The following ROR2 variants were observed in gnomAD, a reference collection of about 807,000 sequenced individuals.
ROR2 encodes tyrosine-protein kinase transmembrane receptor ROR2.
A neutral mutation model predicts 74.9 loss-of-function variants in ROR2; 33 were observed. That is an observed-to-expected ratio of 0.44 (90% confidence interval 0.33 to 0.59). The LOEUF is 0.59. ROR2 is among the 20% of genes least tolerant of loss of function. The pLI is 0.02. For synonymous variants in ROR2, 586 were observed against 558.7 expected (o/e 1.05, Z -0.69); for missense variants, 1,216 against 1,313.8 (o/e 0.93, Z 1.15).
chr9:91,780,386 T>A (rs10820901), intron 1 of ROR2, among the ~76,000 whole-genome samples: 109 of 57,862 alleles, frequency 1.9e-3, no homozygotes, highest in Middle Eastern at 0.01. Flanking sequence ...AAAAAAAAAA[T>A]GAAAGAAAGA....
At chr9:91,828,951 A>C (rs1353659371) in intron 1 of ROR2, among the ~76,000 whole-genome samples, 2 of 152,236 alleles carry the variant, frequency 1.3e-5, no homozygotes, top group Non-Finnish European at 1.5e-5. Context: ...TAAAAAGCTA[A>C]GTGGGAGATT....
At chr9:91,948,952 G>A in intron 1 of ROR2, 1 of 981,990 alleles carries the variant, frequency 1.0e-6, no homozygotes, top group Non-Finnish European at 1.2e-6. Flanking sequence ...AGGCAACCTA[G>A]GCAGGTCCCA....
intron 1 of ROR2, among the ~76,000 whole-genome samples, chr9:91,830,669 G>T (rs897450800): frequency 2.9e-5 from 4 of 137,670 alleles, no homozygotes; most frequent in African/African-American, 1.2e-4. Flanking sequence ...GGAGCTTCGA[G>T]TTTATTTTGC....
intron 8 of ROR2, 139 bp downstream of exon 8, chr9:91,726,402 A>C: frequency 2.3e-6 from 2 of 859,178 alleles, no homozygotes; most frequent in East Asian, 5.0e-5. Flanking sequence ...CAGAAAAAAA[A>C]AATGGCAAAA....
intron 4 of ROR2, among the ~76,000 whole-genome samples, chr9:91,739,135 C>A (rs923804868): frequency 6.6e-6 from 1 of 152,202 alleles, no homozygotes; most frequent in African/African-American, 2.4e-5. Flanking sequence ...CTGGAACCTA[C>A]CCCATAAGCC....
At chr9:91,860,377 A>T (rs1829435518) in intron 1 of ROR2, among the ~76,000 whole-genome samples, 1 of 152,116 alleles carries the variant, frequency 6.6e-6, no homozygotes, top group Non-Finnish European at 1.5e-5. Context: ...CGGTGGCTTG[A>T]GGGGGAAGAT....
At chr9:91,944,104 A>G (rs913279777) in intron 1 of ROR2, among the ~76,000 whole-genome samples, 1 of 152,190 alleles carries the variant, frequency 6.6e-6, no homozygotes, top group Non-Finnish European at 1.5e-5. Context: ...TCATATGAAC[A>G]TCATAGAGTG....
intron 1 of ROR2, among the ~76,000 whole-genome samples, chr9:91,924,554 G>A (rs1172609030): frequency 6.6e-6 from 1 of 152,232 alleles, no homozygotes; most frequent in Non-Finnish European, 1.5e-5. Context: ...AGCACTTTGG[G>A]AGGCAGAGGC....
At chr9:91,791,687 T>C (rs757157222) in intron 1 of ROR2, among the ~76,000 whole-genome samples, 25 of 152,042 alleles carry the variant, frequency 1.6e-4, no homozygotes, top group Admixed American at 7.2e-4. Flanking sequence ...CTAGACAATA[T>C]ATCAGTAAGA....
At chr9:91,798,751 C>T (rs1827275597) in intron 1 of ROR2, among the ~76,000 whole-genome samples, 1 of 151,870 alleles carries the variant, frequency 6.6e-6, no homozygotes, top group African/African-American at 2.4e-5. Context: ...GTGAGATGCC[C>T]CCTCTCATCC....
intron 1 of ROR2, among the ~76,000 whole-genome samples, chr9:91,946,226 T>C (rs1160219263): frequency 6.6e-6 from 1 of 152,246 alleles, no homozygotes; most frequent in Admixed American, 6.5e-5. Context: ...CAAAGCCCCC[T>C]GGTTTCTTTA....
intron 4 of ROR2, among the ~76,000 whole-genome samples, chr9:91,748,884 G>A (rs866822895): frequency 6.6e-5 from 10 of 152,082 alleles, no homozygotes; most frequent in Admixed American, 2.0e-4. Flanking sequence ...AAAATTAGCC[G>A]GGCGTGGTGG....
chr9:91,767,130 A>C (rs1474312929), intron 2 of ROR2, among the ~76,000 whole-genome samples: 1 of 151,176 alleles, frequency 6.6e-6, no homozygotes, highest in East Asian at 1.9e-4. Context: ...ACTGGAGTGC[A>C]GTGGCGTGAT....
At chr9:91,899,611 A>G (rs1830621359) in intron 1 of ROR2, among the ~76,000 whole-genome samples, 1 of 152,074 alleles carries the variant, frequency 6.6e-6, no homozygotes, top group Non-Finnish European at 1.5e-5. Flanking sequence ...GAGAGAACAG[A>G]GCCTCCTCCG....
chr9:91,732,947 G>A (rs776730173), intron 6 of ROR2, among the ~76,000 whole-genome samples, 175 bp downstream of exon 6: 4 of 152,330 alleles, frequency 2.6e-5, no homozygotes, highest in Admixed American at 6.5e-5. Context: ...CCGAGGCCCC[G>A]CCTGCTGCCC....
intron 1 of ROR2, among the ~76,000 whole-genome samples, chr9:91,886,277 A>G (rs928020614): frequency 1.3e-5 from 2 of 152,094 alleles, no homozygotes; most frequent in Non-Finnish European, 2.9e-5. Context: ...CCATGTGAAC[A>G]GCCCAGATTG....
chr9:91,838,759 T>C (rs955441290), intron 1 of ROR2, among the ~76,000 whole-genome samples: 4 of 152,168 alleles, frequency 2.6e-5, no homozygotes, highest in African/African-American at 7.2e-5. Flanking sequence ...AGTAAAGGCA[T>C]TGTGTGTCCA....
At chr9:91,816,420 G>T (rs1187204614) in intron 1 of ROR2, among the ~76,000 whole-genome samples, 1 of 152,174 alleles carries the variant, frequency 6.6e-6, no homozygotes, top group South Asian at 2.1e-4. Flanking sequence ...CCTCCCACAA[G>T]AGTAGCCCCC....
At chr9:91,810,820 G>A (rs73513284) in intron 1 of ROR2, among the ~76,000 whole-genome samples, 5,682 of 152,240 alleles carry the variant, frequency 0.037, 165 homozygotes, top group African/African-American at 0.081. Context: ...CAGGGAATGC[G>A]GCCCTAATTA....
Sources: allele counts gnomAD v4.1 joint callset (sites outside exome capture counted in the v4.1 genomes callset), GRCh38; gene constraint gnomAD v4.1.1; transcripts MANE v1.5; gene names NCBI Gene and HGNC (gene_info 2026-07-23, HGNC 2026-07-21).